MTFR1: variants seen among roughly 807,000 people sequenced by gnomAD.
MTFR1 encodes chondrocyte protein with a poly-proline region.
In MTFR1, 28 loss-of-function variants were observed where a neutral mutation model predicts 38.8. The observed-to-expected ratio is 0.72, with a 90% CI of 0.53 to 0.99. MTFR1 has a LOEUF of 0.99. MTFR1 is among the 50% of genes least tolerant of loss of function. MTFR1 has a pLI of 0.00. For synonymous variants in MTFR1, 145 were observed against 137.0 expected (o/e 1.06, Z -0.41); for missense variants, 358 against 395.5 (o/e 0.91, Z 0.81).
intron 3 of MTFR1, among the ~76,000 whole-genome samples, chr8:65,692,846 T>C (rs1438378975): frequency 6.6e-6 from 1 of 151,552 alleles, no homozygotes; most frequent in African/African-American, 2.4e-5. Context: ...ATAATAGCCA[T>C]TTAAAAATAT....
upstream of MTFR1, among the ~76,000 whole-genome samples, chr8:65,644,313 C>CA (rs1265297350): frequency 6.6e-6 from 1 of 152,172 alleles, no homozygotes; most frequent in Non-Finnish European, 1.5e-5. Flanking sequence ...GTGAGGTCCG[C>CA]ATAGGCATTA....
At chr8:65,721,124 G>A (rs1806360033) in intron 3 of MTFR1, among the ~76,000 whole-genome samples, 1 of 151,756 alleles carries the variant, frequency 6.6e-6, no homozygotes, top group African/African-American at 2.4e-5. Flanking sequence ...TCTCTTGGAG[G>A]GCAGGACTCT....
chr8:65,675,906 A>G (rs1804696323), intron 2 of MTFR1, among the ~76,000 whole-genome samples: 1 of 152,222 alleles, frequency 6.6e-6, no homozygotes, highest in Non-Finnish European at 1.5e-5. Flanking sequence ...TGTTTTTTAA[A>G]TTGCAGGAAG....
Position 65,707,092 on chromosome 8 carries a change from G to C in MTFR1, c.600G>C (p.Gly200=), listed in dbSNP as rs1805802557. Residue 200 remains glycine, a synonymous_variant, in exon 6 of 8, where the codon GGG becomes GGC. Transcript: ENST00000262146. The part of the protein sequence containing the change: ...PPPPLPPPAL[G]LHQSTSAVDL... ...CGCCCCTGCCTCCCCCTGCACTGGG[G>C]CTCCACCAAAGTACATCTGCTGTTG... 1.2e-6 allele frequency: 2 copies of C among 1,613,718 alleles called. No homozygotes were observed. Among genetic ancestry groups the C allele is most frequent in the African/African-American group, 2.7e-5 (2 of 74,862 alleles).
chr8:65,644,342 A>G (rs1228588071), upstream of MTFR1, among the ~76,000 whole-genome samples: 1 of 152,216 alleles, frequency 6.6e-6, no homozygotes, highest in Non-Finnish European at 1.5e-5. Context: ...GGGTGGACAC[A>G]GGTCCCTACA....
At chr8:65,677,981 A>ACTC (rs971980293) in intron 2 of MTFR1, among the ~76,000 whole-genome samples, 7 of 148,148 alleles carry the variant, frequency 4.7e-5, no homozygotes, top group Non-Finnish European at 1.0e-4. Context: ...ATGCCACTGC[A>ACTC]CTCCAGCCTG....
At chr8:65,750,490 GTGTGTGTGTGTGTC>G (rs762652286) in intron 3 of MTFR1, among the ~76,000 whole-genome samples, 2,561 of 139,494 alleles carry the variant, frequency 0.018, 77 homozygotes, top group African/African-American at 0.065. Flanking sequence ...GTGTGTGTGT[GTGTGTGTGTGTGTC>G]TGTGTGTGTC....
chr8:65,727,079 G>C (rs1806642404), intron 3 of MTFR1: 8 of 1,020,264 alleles, frequency 7.8e-6, no homozygotes, highest in Non-Finnish European at 1.2e-5. Flanking sequence ...CATTCATTGA[G>C]AATTTATTTT....
chr8:65,730,171 C>CTTTT (rs1179431555), intron 3 of MTFR1, among the ~76,000 whole-genome samples: 1,438 of 86,304 alleles, frequency 0.017, 301 homozygotes, highest in African/African-American at 0.057. Context: ...TTGCGCACTT[C>CTTTT]TTTTTTTTTT....
chr8:65,757,218 A>G (rs773274310), intron 3 of MTFR1, among the ~76,000 whole-genome samples: 1 of 152,236 alleles, frequency 6.6e-6, no homozygotes. Flanking sequence ...AAAGGAGGGC[A>G]GGAGAAGGTC....
intron 3 of MTFR1, among the ~76,000 whole-genome samples, chr8:65,691,657 G>A (rs1805281778): frequency 6.6e-6 from 1 of 151,702 alleles, no homozygotes; most frequent in Non-Finnish European, 1.5e-5. Flanking sequence ...TTTGGATTTT[G>A]GTTTTTTTTT....
chr8:65,733,862 T>C (rs867153031), intron 3 of MTFR1, among the ~76,000 whole-genome samples: 13 of 152,170 alleles, frequency 8.5e-5, no homozygotes, highest in Admixed American at 8.5e-4. Flanking sequence ...TCATCCTGTT[T>C]CCCGCCTAAC....
chr8:65,667,868 A>G (rs1029280491), intron 1 of MTFR1, among the ~76,000 whole-genome samples: 1 of 152,090 alleles, frequency 6.6e-6, no homozygotes, highest in African/African-American at 2.4e-5. Flanking sequence ...TCTCATATGA[A>G]CTCACACCCT....
chr8:65,647,497 A>G (rs1808991977), intron 1 of MTFR1, among the ~76,000 whole-genome samples: 1 of 152,138 alleles, frequency 6.6e-6, no homozygotes, highest in Non-Finnish European at 1.5e-5. Flanking sequence ...TTTAGTAGAG[A>G]CAGAGTTTCA....
chr8:65,723,698 C>G, intron 3 of MTFR1: 1 of 1,008,094 alleles, frequency 9.9e-7, no homozygotes, highest in Non-Finnish European at 1.4e-6. Flanking sequence ...CTTGAACATA[C>G]CTGTGCATTT....
intron 3 of MTFR1, among the ~76,000 whole-genome samples, chr8:65,683,727 T>G (rs66831149): frequency 0.11 from 16,698 of 151,978 alleles, 1,139 homozygotes; most frequent in Middle Eastern, 0.17. Flanking sequence ...TTTTCTTTTT[T>G]TTTTGGAGAC....
At chr8:65,670,702 G>A (rs556991288) in intron 2 of MTFR1, among the ~76,000 whole-genome samples, 3 of 145,382 alleles carry the variant, frequency 2.1e-5, no homozygotes, top group Admixed American at 7.1e-5. Context: ...TTGAATGTGG[G>A]TATACTTTTT....
intron 2 of MTFR1, among the ~76,000 whole-genome samples, chr8:65,674,229 G>A (rs370568649): frequency 1.4e-4 from 21 of 151,950 alleles, no homozygotes; most frequent in African/African-American, 3.9e-4. Flanking sequence ...CACTGCGTCC[G>A]TCCTTTTAAA....
At chr8:65,723,647 T>G (rs1806487839) in intron 3 of MTFR1, 2 of 1,451,458 alleles carry the variant, frequency 1.4e-6, no homozygotes, top group Admixed American at 4.4e-5. Context: ...AGAGAAGTAT[T>G]AATATGAAGA....
Sources: gnomAD v4.1 joint callset for allele counts (sites outside exome capture counted in the v4.1 genomes callset) on GRCh38, gnomAD v4.1.1 for gene constraint, MANE v1.5 for transcripts, NCBI Gene and HGNC (gene_info 2026-07-23, HGNC 2026-07-21) for gene names.